ZNF469: variants seen among roughly 807,000 people sequenced by gnomAD.
The protein encoded by ZNF469 is zinc finger protein 469.
Under a neutral mutation model 1.0 loss-of-function variants are expected in ZNF469, and 1 was observed. The observed-to-expected ratio is 1.00, with a 90% CI of 0.35 to 4.73. The LOEUF (loss-of-function observed/expected upper bound fraction) is 4.73, where lower values mean the gene tolerates loss of function less well. Ranked by LOEUF, ZNF469 falls within the 30% of genes most tolerant of loss-of-function variation. The pLI is 0.16. For synonymous variants in ZNF469, 2,703 were observed against 2,363.4 expected, an observed-to-expected ratio of 1.14 and a Z score of -4.17; for missense variants, 6,100 against 5,356.3, an observed-to-expected ratio of 1.14 and a Z score of -4.33.
chr16:88,245,634 AAG>A, the ZNF469 span, among the ~76,000 whole-genome samples: 1 of 152,224 alleles, frequency 6.6e-6, no homozygotes, highest in Non-Finnish European at 1.5e-5. Context: ...CCAAATCCCG[AAG>A]AGGGGAATTC....
the ZNF469 span, among the ~76,000 whole-genome samples, chr16:88,169,748 G>A: frequency 6.6e-6 from 1 of 152,220 alleles, no homozygotes; most frequent in Non-Finnish European, 1.5e-5. The surrounding 1 kb of genome is among the most constrained non-coding windows in gnomAD (Gnocchi z 6.1). Flanking sequence ...AGGAATGTTT[G>A]TAAGGGCTTT....
the ZNF469 span, among the ~76,000 whole-genome samples, chr16:88,219,326 A>G: frequency 6.9e-6 from 1 of 143,960 alleles, no homozygotes; most frequent in African/African-American, 2.6e-5. Flanking sequence ...TCCTAAGCCA[A>G]AAGAACAAAG....
At chr16:88,332,259 G>A in the ZNF469 span, among the ~76,000 whole-genome samples, 17 of 152,368 alleles carry the variant, frequency 1.1e-4, no homozygotes, top group Middle Eastern at 3.4e-3. Context: ...ACCCCATTAG[G>A]TATTAAGCGG....
In ZNF469 at chr16:88,437,655, G is replaced by C. The variant is rs149732077; in HGVS notation, c.10185G>C (p.Glu3395Asp). The change falls in exon 3 of 3, where the codon GAG (glutamate) becomes GAC (aspartate). Residue 3395 changes from glutamate (E) to aspartate (D), a missense_variant. Physicochemically the swap from Glu to Asp is conservative, Grantham distance 45. Coordinates refer to ENST00000565624, the MANE Select transcript of ZNF469 (RefSeq NM_001367624.2). The part of the protein sequence containing the change: ...GGAHGLLERP[E>D]LQHTPLYACE... Reference sequence around the variant, plus strand: ...CGCACGGGCTGCTGGAGCGGCCGGAGCTGCAGCACACGCCGCTGTATGCCT... The same window carrying C: ...CGCACGGGCTGCTGGAGCGGCCGGACCTGCAGCACACGCCGCTGTATGCCT... 130 of 1,545,822 alleles carry C rather than the reference G, an allele frequency of 8.4e-5. No homozygotes were observed. Among genetic ancestry groups the C allele is most frequent in the Non-Finnish European group, 1.1e-4 (124 of 1,143,714 alleles).
At chr16:88,120,001 G>A in the ZNF469 span, among the ~76,000 whole-genome samples, 9 of 152,318 alleles carry the variant, frequency 5.9e-5, no homozygotes, top group South Asian at 2.1e-4. Context: ...GGGGAGCACT[G>A]TCTTCTGAGA....
the ZNF469 span, among the ~76,000 whole-genome samples, chr16:88,343,763 C>T: frequency 6.6e-6 from 1 of 152,154 alleles, no homozygotes; most frequent in Non-Finnish European, 1.5e-5. Context: ...TTAATCCATT[C>T]ATGAGGGCAG....
the ZNF469 span, among the ~76,000 whole-genome samples, chr16:88,326,818 C>T: frequency 2.8e-4 from 42 of 152,230 alleles, no homozygotes; most frequent in African/African-American, 8.7e-4. Context: ...CTGACCCCCC[C>T]GCTCTTTCCT....
the ZNF469 span, among the ~76,000 whole-genome samples, chr16:88,110,496 T>C: frequency 0.059 from 9,011 of 152,296 alleles, 431 homozygotes; most frequent in East Asian, 0.2. Context: ...CTGTGAGTAA[T>C]GTCCAAGGCT....
chr16:88,191,642 G>A, the ZNF469 span: 3 of 152,280 alleles, frequency 2.0e-5, no homozygotes, highest in Admixed American at 1.3e-4. Context: ...CCAGCTTCTC[G>A]CCTGGGAACC....
chr16:88,111,833 C>T, the ZNF469 span, among the ~76,000 whole-genome samples: 2 of 152,298 alleles, frequency 1.3e-5, no homozygotes, highest in East Asian at 3.9e-4. Flanking sequence ...GATGGGGTTT[C>T]ACCATGTTGG....
At chr16:88,280,816 C>T in the ZNF469 span, among the ~76,000 whole-genome samples, 1 of 151,688 alleles carries the variant, frequency 6.6e-6, no homozygotes. Context: ...TGGTGCTGTG[C>T]CACCCTGATG....
the ZNF469 span, among the ~76,000 whole-genome samples, chr16:88,110,188 G>A: frequency 6.6e-6 from 1 of 152,172 alleles, no homozygotes. Context: ...CACCCAGGCC[G>A]AGGCCGCCCC....
chr16:88,274,566 G>A, the ZNF469 span, among the ~76,000 whole-genome samples: 36,719 of 152,212 alleles, frequency 0.24, 5,017 homozygotes, highest in Middle Eastern at 0.36. Context: ...TCCGGGCGGG[G>A]CCCCCGGGGA....
At chr16:88,202,265 G>A in the ZNF469 span, among the ~76,000 whole-genome samples, 1 of 152,216 alleles carries the variant, frequency 6.6e-6, no homozygotes, top group African/African-American at 2.4e-5. Flanking sequence ...CACCAACCGT[G>A]CATTTTCCAC....
the ZNF469 span, among the ~76,000 whole-genome samples, chr16:88,210,601 T>C: frequency 2.6e-4 from 39 of 152,272 alleles, no homozygotes; most frequent in Non-Finnish European, 5.3e-4. Flanking sequence ...TTATTTTTTA[T>C]GTATAGTATG....
the ZNF469 span, among the ~76,000 whole-genome samples, chr16:88,244,747 A>G: frequency 7.2e-4 from 57 of 79,380 alleles, no homozygotes; most frequent in Middle Eastern, 5.9e-3. Context: ...GTGGATGGGT[A>G]GCTAAACAGA....
chr16:88,439,070 A>G lies in ZNF469; in HGVS notation c.11600A>G (p.Gln3867Arg). The change falls in exon 3 of 3, where the codon CAG (glutamine) becomes CGG (arginine). Residue 3867 changes from glutamine (Q) to arginine (R), a missense_variant. Physicochemically the swap from Gln to Arg is conservative, Grantham distance 43 (BLOSUM62 1). Coordinates refer to ENST00000565624, the MANE Select transcript of ZNF469 (RefSeq NM_001367624.2). ...CCGACCAAGCCCAAGCCCAACAGCCAGAACAAACCCAGGCCGCCACCATCA... is the reference window on the plus strand; with the variant it reads ...CCGACCAAGCCCAAGCCCAACAGCCGGAACAAACCCAGGCCGCCACCATCA... ...VLPTKPKPNS[Q>R]NKPRPPPSEQ... 3 of 1,550,534 alleles carry G rather than the reference A, an allele frequency of 1.9e-6. No individual in the cohort carries two copies. The highest frequency in any genetic ancestry group is 2.6e-6 in the Non-Finnish European group (3 of 1,146,898).
chr16:88,145,184 A>C, the ZNF469 span, among the ~76,000 whole-genome samples: 1 of 152,164 alleles, frequency 6.6e-6, no homozygotes, highest in East Asian at 1.9e-4. Context: ...CTTTAAACTT[A>C]AGTGACCTTA....
At chr16:88,390,852 G>C (rs1424240930) in intron 1 of ZNF469, among the ~76,000 whole-genome samples, 1 of 151,856 alleles carries the variant, frequency 6.6e-6, no homozygotes, top group Non-Finnish European at 1.5e-5. Flanking sequence ...CCAGATGGGA[G>C]AGGACATCCC....
Sources: gnomAD v4.1 joint callset for allele counts (sites outside exome capture counted in the v4.1 genomes callset) on GRCh38, gnomAD v4.1.1 for gene constraint, Gnocchi (gnomAD v3.1) non-coding constraint, MANE v1.5 for transcripts, NCBI Gene and HGNC (gene_info 2026-07-23, HGNC 2026-07-21) for gene names.